Variants in XRN1 observed in about 807,000 individuals in gnomAD.
The protein encoded by XRN1 is 5'-3' exoribonuclease 1.
In XRN1, 67 loss-of-function variants were observed where a neutral mutation model predicts 222.3. That is an observed-to-expected ratio of 0.30 (90% confidence interval 0.25 to 0.37). The LOEUF is 0.37. Ranked by LOEUF, XRN1 falls within the 10% of genes least tolerant of loss-of-function variation. XRN1 has a pLI of 1.00. For missense variants in XRN1, 1,707 were observed against 2,000.2 expected (o/e 0.85, Z 2.80); for synonymous variants, 643 against 652.4 (o/e 0.99, Z 0.22).
At chr3:142,313,574 T>G (rs1361037949) in intron 39 of XRN1, among the ~76,000 whole-genome samples, 1 of 152,176 alleles carries the variant, frequency 6.6e-6, no homozygotes, top group Non-Finnish European at 1.5e-5. Context: ...TTCATAGAGA[T>G]AAAAAGCAGC....
intron 23 of XRN1, among the ~76,000 whole-genome samples, chr3:142,377,256 T>C (rs1353467484): frequency 6.6e-6 from 1 of 151,910 alleles, no homozygotes; most frequent in Non-Finnish European, 1.5e-5. Flanking sequence ...CATATAATAT[T>C]TAACCAGGAA....
In XRN1 at chr3:142,447,619, G is replaced by A. The variant is rs149204132; in HGVS notation, c.75+251C>T. Among the ~76,000 whole-genome samples the A allele has an allele frequency of 1.0e-3, 156 of 152,324 alleles. 1 individual carries two copies. The highest frequency in any genetic ancestry group is 3.6e-3 in the African/African-American group (148 of 41,566). On this transcript the variant is annotated intron_variant, in intron 1 of 40. Coordinates refer to ENST00000392981, the MANE Select transcript of XRN1 (RefSeq NM_001282857.2). This position sits in a 1 kb window ranked among gnomAD's most constrained non-coding sequence, Gnocchi z 4.2. ...AGGACTTCATTTCGGAGTCGCGGAA[G>A]GACCAGCAGAAGCAAGAGCTGTCAG...
chr3:142,331,577 G>C (rs971891067), intron 36 of XRN1, among the ~76,000 whole-genome samples: 1 of 151,918 alleles, frequency 6.6e-6, no homozygotes, highest in Admixed American at 6.6e-5. Context: ...TTATAAATAA[G>C]AAACAAGATT....
chr3:142,423,957 G>A (rs554106989), intron 5 of XRN1, among the ~76,000 whole-genome samples: 1 of 151,950 alleles, frequency 6.6e-6, no homozygotes, highest in South Asian at 2.1e-4. Flanking sequence ...TGCCGTGGGG[G>A]AACTGGTTAG....
intron 37 of XRN1, among the ~76,000 whole-genome samples, chr3:142,328,702 ATTAT>A (rs2065592663): frequency 1.2e-5 from 1 of 81,172 alleles, no homozygotes; most frequent in Admixed American, 1.8e-4. Flanking sequence ...TACTTGTAAT[ATTAT>A]ATATATATAT....
Position 142,357,064 on chromosome 3 carries a change from G to A in XRN1, c.3520C>T (p.His1174Tyr), listed in dbSNP as rs1399508693. 2.5e-6 allele frequency: 4 copies of A among 1,613,722 alleles called. No individual in the cohort carries two copies. Among genetic ancestry groups the A allele is most frequent in the Admixed American group, 3.3e-5 (2 of 59,966 alleles). ...LPTSALVNLS[H>Y]GSRSETGNQK... ...TTTCCAGTTTCAGAGCGACTCCCAT[G>A]AGAAAGGTTCACCAAGGCACTTGTT... The change falls in exon 31 of 41, where the codon CAT (histidine) becomes TAT (tyrosine). Residue 1174 changes from histidine to tyrosine, a missense_variant. Coordinates refer to ENST00000392981, the MANE Select transcript of XRN1 (RefSeq NM_001282857.2).
chr3:142,418,590 A>G lies in XRN1; in HGVS notation c.1260T>C (p.Thr420=), dbSNP rs1478781494. 2.5e-6 allele frequency: 4 copies of G among 1,594,730 alleles called. No individual in the cohort carries two copies. The highest frequency in any genetic ancestry group is 1.4e-5 in the African/African-American group (1 of 73,704). Residue 420 remains threonine, a synonymous_variant, in exon 12 of 41, where the codon ACT becomes ACC. Coordinates refer to ENST00000392981, the MANE Select transcript of XRN1 (RefSeq NM_001282857.2). ...ITSKDNLEDE[T]EDDDLFETEF... is the part of the protein sequence containing the mutation. ...CAGTTTCAAATAGGTCATCATCTTC[A>G]GTCTCATCTTCTAAATTATCTGGGG...
chr3:142,312,938 G>T (rs1022521785), intron 39 of XRN1, among the ~76,000 whole-genome samples, 180 bp from the exon 40 acceptor site: 11 of 151,750 alleles, frequency 7.2e-5, no homozygotes, highest in Non-Finnish European at 1.3e-4. Context: ...TCCTTTCCTA[G>T]GACTGTGTGG....
At position 142,318,699 on chromosome 3, in the gene XRN1, G is replaced by A. The variant is rs1435144639; in HGVS notation, c.4519-5C>T. 2.5e-6 allele frequency: 4 copies of A among 1,609,598 alleles called. No homozygotes were observed. The highest frequency in any genetic ancestry group is 3.4e-6 in the Non-Finnish European group (4 of 1,177,848). ...GAAATTCATGCCTAAGGAGCCCTGTGGAAGTATTTAAAAGTTACAAGACAA... is the reference window on the plus strand; with the variant it reads ...GAAATTCATGCCTAAGGAGCCCTGTAGAAGTATTTAAAAGTTACAAGACAA... On this transcript the variant is annotated splice_polypyrimidine_tract_variant and splice_region_variant and intron_variant, in intron 38 of 40. Coordinates refer to ENST00000392981, the MANE Select transcript of XRN1 (RefSeq NM_001282857.2).
At position 142,403,671 on chromosome 3, in the gene XRN1, T is replaced by C. The variant is rs748133415; in HGVS notation, c.2103+3A>G. On this transcript the variant is annotated splice_donor_region_variant and intron_variant, in intron 18 of 40. Transcript: ENST00000392981. ...ATAAATGAATGATAAATAAAATACT[T>C]ACAAGTTCATCTGATTCTGCATCCA... The C allele has an allele frequency of 9.9e-6, 16 of 1,610,996 alleles. No homozygotes were observed. In the East Asian group the frequency reaches 3.6e-4, roughly 36 times the overall value.
intron 20 of XRN1, among the ~76,000 whole-genome samples, chr3:142,387,613 C>G (rs2067555589): frequency 6.6e-6 from 1 of 152,132 alleles, no homozygotes; most frequent in African/African-American, 2.4e-5. Context: ...TACACTGAGT[C>G]TATTAAGTGT....
chr3:142,439,677 T>G (rs2070105619), intron 1 of XRN1, among the ~76,000 whole-genome samples: 1 of 151,758 alleles, frequency 6.6e-6, no homozygotes, highest in African/African-American at 2.4e-5. Context: ...ACTTAGAAAC[T>G]CTACTGAACT....
chr3:142,362,177 G>A (rs982190415), intron 29 of XRN1, among the ~76,000 whole-genome samples: 9 of 151,414 alleles, frequency 5.9e-5, no homozygotes, highest in South Asian at 2.1e-4. Flanking sequence ...TCGATCTGTC[G>A]CCCAGGCTAA....
intron 18 of XRN1, among the ~76,000 whole-genome samples, chr3:142,402,245 C>T (rs1433975263): frequency 3.3e-5 from 5 of 151,858 alleles, no homozygotes; most frequent in Admixed American, 6.6e-5. Context: ...TGCAGTGGCG[C>T]GATTTTGGCT....
At chr3:142,408,371 G>T (rs1559857907) in intron 15 of XRN1, among the ~76,000 whole-genome samples, 1 of 152,194 alleles carries the variant, frequency 6.6e-6, no homozygotes, top group Non-Finnish European at 1.5e-5. Flanking sequence ...GAATCTGGGT[G>T]TGTGCAGAAA....
chr3:142,423,496 T>C, intron 6 of XRN1, 64 bp downstream of exon 6: 1 of 1,312,584 alleles, frequency 7.6e-7, no homozygotes, highest in Non-Finnish European at 1.0e-6. Context: ...CAAACATGTA[T>C]CTGTTAAAGA....
intron 33 of XRN1, among the ~76,000 whole-genome samples, chr3:142,340,010 T>C (rs548126539): frequency 3.9e-5 from 6 of 152,260 alleles, no homozygotes; most frequent in South Asian, 4.1e-4. Flanking sequence ...AGTCTCATAA[T>C]AGCAGAAGTG....
chr3:142,328,512 T>C (rs1489262636), intron 37 of XRN1, among the ~76,000 whole-genome samples: 2 of 151,352 alleles, frequency 1.3e-5, no homozygotes, highest in Non-Finnish European at 2.9e-5. Flanking sequence ...TTGATTGAAT[T>C]TTAATCTTTT....
chr3:142,311,577 G>C lies in XRN1; in HGVS notation c.5019C>G (p.Ile1673Met), dbSNP rs1230649077. 1 of 1,613,730 alleles carries C rather than the reference G, an allele frequency of 6.2e-7. No individual in the cohort carries two copies. The highest frequency in any genetic ancestry group is 1.3e-5 in the African/African-American group (1 of 74,938). The stretch of plus-strand genomic sequence containing the variant: ...TTCTTGATTTTCTTCTTGAAGAAGA[G>C]ATTGGTGTTGACTTATGGTGAGATA... ...HSISHHKSTP[I>M]SSSRRKSRKL... is the part of the protein sequence containing the mutation. The change falls in exon 41 of 41, where the codon ATC becomes ATG. Residue 1673 changes from isoleucine to methionine, a missense_variant. Transcript: ENST00000392981.
Sources: allele counts gnomAD v4.1 joint callset (sites outside exome capture counted in the v4.1 genomes callset), GRCh38; gene constraint gnomAD v4.1.1; non-coding constraint Gnocchi (gnomAD v3.1); transcripts MANE v1.5; gene names NCBI Gene and HGNC (gene_info 2026-07-23, HGNC 2026-07-21).